Variants in PRIMPOL observed in about 807,000 individuals in gnomAD.
PRIMPOL encodes the protein primase and DNA directed polymerase, also known as DNA-directed primase/polymerase protein.
In PRIMPOL, 54 loss-of-function variants were observed where a neutral mutation model predicts 63.6. That is an observed-to-expected ratio of 0.85 (90% CI 0.68 to 1.07). The LOEUF (loss-of-function observed/expected upper bound fraction) is 1.07. Ranked by LOEUF, PRIMPOL falls within the 50% of genes least tolerant of loss-of-function variation. PRIMPOL has a pLI of 0.00. For missense variants in PRIMPOL, 610 were observed against 648.3 expected (o/e 0.94, Z 0.64); for synonymous variants, 197 against 220.2 (o/e 0.89, Z 0.93).
intron 13 of PRIMPOL, 154 bp from the exon 14 acceptor site, chr4:184,694,368 A>G (rs552539667): frequency 7.1e-7 from 1 of 1,410,950 alleles, no homozygotes; most frequent in South Asian, 1.6e-5. Context: ...ACTCATTCCC[A>G]CGGTGAGATA....
intron 2 of PRIMPOL, among the ~76,000 whole-genome samples, chr4:184,654,407 T>G (rs1338042409): frequency 6.6e-6 from 1 of 151,436 alleles, no homozygotes; most frequent in Non-Finnish European, 1.5e-5. Context: ...ATACTCAGAA[T>G]CTAGCAATAA....
Position 184,674,803 on chromosome 4 carries a change from G to C in PRIMPOL, c.844+2343G>C, listed in dbSNP as rs142102722. Among the ~76,000 whole-genome samples the C allele has an allele frequency of 2.6e-3, 390 of 152,254 alleles. 1 individual carries two copies. The highest frequency in any genetic ancestry group is 9.0e-3 in the African/African-American group (374 of 41,532). On this transcript the variant is annotated intron_variant, in intron 7 of 13. Coordinates refer to ENST00000314970, the MANE Select transcript of PRIMPOL (RefSeq NM_152683.4). ...TTTACAGTACTGTACTGTATTTGTC[G>C]ATACTGTAAGTTTAGGTCATCTGTT...
chr4:184,675,292 G>T (rs748457867), intron 7 of PRIMPOL, among the ~76,000 whole-genome samples: 7 of 152,198 alleles, frequency 4.6e-5, no homozygotes, highest in Non-Finnish European at 1.0e-4. Context: ...TGTACAGTCA[G>T]CAAGGGTGTG....
At chr4:184,663,018 TTTA>T (rs70962516) in intron 5 of PRIMPOL, among the ~76,000 whole-genome samples, 7,391 of 138,706 alleles carry the variant, frequency 0.053, 239 homozygotes, top group Middle Eastern at 0.072. Flanking sequence ...ATTTTAAACC[TTTA>T]TTATTATTAT....
At chr4:184,678,527 T>A in intron 8 of PRIMPOL, 133 bp downstream of exon 8, 3 of 204,186 alleles carry the variant, frequency 1.5e-5, no homozygotes, top group South Asian at 1.5e-4. Flanking sequence ...TTACAGCTCT[T>A]TTTTTTTTTT....
chr4:184,665,260 C>A (rs1749527445), intron 5 of PRIMPOL, among the ~76,000 whole-genome samples: 1 of 152,046 alleles, frequency 6.6e-6, no homozygotes, highest in African/African-American at 2.4e-5. Context: ...TCCTGTTTAG[C>A]AGCTGGGAAA....
intron 8 of PRIMPOL, among the ~76,000 whole-genome samples, chr4:184,680,375 A>G (rs192991846): frequency 6.6e-4 from 101 of 152,184 alleles, no homozygotes; most frequent in African/African-American, 2.3e-3. Flanking sequence ...TTTAGTAGAG[A>G]TGGGGTTTCC....
chr4:184,694,935 A>G lies in PRIMPOL; in HGVS notation c.*156A>G. ...ACTTCTGTAAACCAATTTCATTAAAAATTAGCTTTGGTGTAAATTCAGGAG... is the reference window on the plus strand; with the variant it reads ...ACTTCTGTAAACCAATTTCATTAAAGATTAGCTTTGGTGTAAATTCAGGAG... On this transcript the variant is annotated 3_prime_UTR_variant, in exon 14 of 14. Coordinates refer to ENST00000314970, the MANE Select transcript of PRIMPOL (RefSeq NM_152683.4). 1 of 622,862 alleles carries G rather than the reference A, an allele frequency of 1.6e-6. No individual in the cohort carries two copies. Among genetic ancestry groups the G allele is most frequent in the Non-Finnish European group, 2.7e-6 (1 of 370,462 alleles). The allele number at this position is 622,862 out of a possible 1,614,324, so 38.6% of individuals were successfully genotyped here.
intron 3 of PRIMPOL, among the ~76,000 whole-genome samples, chr4:184,658,574 G>A (rs140632755): frequency 1.1e-3 from 162 of 152,174 alleles, no homozygotes; most frequent in African/African-American, 3.6e-3. Flanking sequence ...GGCATGAGCA[G>A]TTATATTTAA....
chr4:184,660,326 G>C (rs992311718), intron 4 of PRIMPOL, among the ~76,000 whole-genome samples: 1 of 151,834 alleles, frequency 6.6e-6, no homozygotes, highest in South Asian at 2.1e-4. Context: ...GATTACAGGT[G>C]CCTGCCACCA....
intron 5 of PRIMPOL, among the ~76,000 whole-genome samples, chr4:184,665,645 T>C (rs768936151): frequency 1.1e-4 from 16 of 151,870 alleles, no homozygotes; most frequent in Non-Finnish European, 1.6e-4. Flanking sequence ...CTGGGACTTA[T>C]AGACACCTGC....
intron 3 of PRIMPOL, among the ~76,000 whole-genome samples, chr4:184,658,795 C>G (rs1219691306): frequency 6.6e-6 from 1 of 151,570 alleles, no homozygotes; most frequent in Non-Finnish European, 1.5e-5. Context: ...GTAATCCCAG[C>G]TACTTGGGAG....
intron 1 of PRIMPOL, among the ~76,000 whole-genome samples, chr4:184,651,271 ACAGAGCAAGACTCTGTCTC>A: frequency 1.3e-5 from 2 of 151,046 alleles, no homozygotes; most frequent in African/African-American, 5.0e-5. Context: ...AGCCTGGGCA[ACAGAGCAAGACTCTGTCTC>A]AAAAAAAAGA....
chr4:184,671,515 A>G lies in PRIMPOL; in HGVS notation c.557-658A>G, dbSNP rs183975438. Among the ~76,000 whole-genome samples, 366 of 152,240 alleles carry G rather than the reference A, an allele frequency of 2.4e-3. 6 individuals are homozygous for G. The South Asian group carries it at 0.037, about 16-fold the overall frequency. ...CATTCTGTAATCATTGAATGTGAAG[A>G]TGAGTCCTCCCAGTATGTATTAATA... On this transcript the variant is annotated intron_variant, in intron 6 of 13. Coordinates refer to ENST00000314970, the MANE Select transcript of PRIMPOL (RefSeq NM_152683.4).
At chr4:184,655,286 A>G (rs934109924) in intron 2 of PRIMPOL, among the ~76,000 whole-genome samples, 7 of 149,722 alleles carry the variant, frequency 4.7e-5, no homozygotes, top group Non-Finnish European at 1.0e-4. Context: ...CTGGGATTAC[A>G]GGCATGAACC....
At chr4:184,671,907 A>AT (rs751040959) in intron 6 of PRIMPOL, among the ~76,000 whole-genome samples, 2 of 150,984 alleles carry the variant, frequency 1.3e-5, no homozygotes, top group Non-Finnish European at 2.9e-5. Context: ...CGCCCTGCTA[A>AT]TTTTTTGTAT....
At chr4:184,692,346 T>G (rs1181492638) in intron 13 of PRIMPOL, among the ~76,000 whole-genome samples, 2 of 151,522 alleles carry the variant, frequency 1.3e-5, no homozygotes, top group Admixed American at 1.3e-4. Context: ...TGGTGGCCTA[T>G]GCCTATAATC....
chr4:184,683,463 T>G (rs867758449), intron 9 of PRIMPOL, among the ~76,000 whole-genome samples: 1 of 152,190 alleles, frequency 6.6e-6, no homozygotes, highest in South Asian at 2.1e-4. Flanking sequence ...TTCACTAATT[T>G]TCATTTTATG....
At chr4:184,658,530 G>A (rs1747254933) in intron 3 of PRIMPOL, among the ~76,000 whole-genome samples, 1 of 152,142 alleles carries the variant, frequency 6.6e-6, no homozygotes, top group African/African-American at 2.4e-5. Flanking sequence ...ACTTGTGGAT[G>A]TATTCCTCTA....
Sources: allele counts gnomAD v4.1 joint callset (sites outside exome capture counted in the v4.1 genomes callset), GRCh38; gene constraint gnomAD v4.1.1; transcripts MANE v1.5; gene names NCBI Gene and HGNC (gene_info 2026-07-23, HGNC 2026-07-21).